The following IP6K1 variants were observed in gnomAD, a reference collection of about 807,000 sequenced individuals.
The protein encoded by IP6K1 is ATP:1D-myo-inositol-hexakisphosphate phosphotransferase.
In IP6K1, 13 loss-of-function variants were observed where a neutral mutation model predicts 38.3. The ratio of observed to expected loss-of-function variants is 0.34; its 90% CI spans 0.22 to 0.54. IP6K1 has a LOEUF of 0.54. Ranked by LOEUF, IP6K1 falls within the 20% of genes least tolerant of loss-of-function variation. The pLI is 0.92. For missense variants in IP6K1, 397 were observed against 599.8 expected (o/e 0.66, Z 3.53); for synonymous variants, 212 against 229.9 (o/e 0.92, Z 0.70).
chr3:49,732,515 A>T (rs777334944), intron 4 of IP6K1, among the ~76,000 whole-genome samples: 2 of 152,268 alleles, frequency 1.3e-5, no homozygotes, highest in Non-Finnish European at 2.9e-5. Flanking sequence ...CAGTGTGGCC[A>T]GTGGCTACCA....
chr3:49,736,686 G>A (rs1451626247), intron 3 of IP6K1, among the ~76,000 whole-genome samples: 4 of 151,412 alleles, frequency 2.6e-5, no homozygotes, highest in Admixed American at 2.6e-4. Context: ...GAACATTTTT[G>A]TACAAATTTT....
chr3:49,768,304 T>A (rs1244888164), intron 1 of IP6K1, among the ~76,000 whole-genome samples: 1 of 152,170 alleles, frequency 6.6e-6, no homozygotes, highest in Non-Finnish European at 1.5e-5. Flanking sequence ...CATCAACAGA[T>A]AAATGGATAA....
At chr3:49,734,989 G>A (rs945993429) in intron 3 of IP6K1, among the ~76,000 whole-genome samples, 3 of 138,214 alleles carry the variant, frequency 2.2e-5, no homozygotes, top group Non-Finnish European at 5.1e-5. Context: ...GTTATTCTAG[G>A]TGATGTTATT....
At chr3:49,756,610 G>C (rs937030129) in intron 1 of IP6K1, among the ~76,000 whole-genome samples, 1 of 152,078 alleles carries the variant, frequency 6.6e-6, no homozygotes, top group East Asian at 1.9e-4. Context: ...CTGAGGTCAG[G>C]AGTTCGAGAC....
intron 2 of IP6K1, among the ~76,000 whole-genome samples, chr3:49,746,917 A>G (rs980330462): frequency 6.6e-6 from 1 of 152,194 alleles, no homozygotes; most frequent in Non-Finnish European, 1.5e-5. Context: ...ATGGGGAGTT[A>G]TTATTTAATA....
At chr3:49,750,736 G>C (rs1319365317) in intron 1 of IP6K1, among the ~76,000 whole-genome samples, 1 of 151,936 alleles carries the variant, frequency 6.6e-6, no homozygotes, top group Non-Finnish European at 1.5e-5. Flanking sequence ...CCCTTCCCCT[G>C]ACTCTGAGAG....
chr3:49,751,848 A>C (rs988430422), intron 1 of IP6K1, among the ~76,000 whole-genome samples: 1 of 152,244 alleles, frequency 6.6e-6, no homozygotes, highest in African/African-American at 2.4e-5. Context: ...GAATTGCAAC[A>C]AATGGAAAGA....
rs567184171 is a variant in IP6K1, at chr3:49,782,691, G to C, written c.-129+3663C>G. Among the ~76,000 whole-genome samples, 45 of 150,250 alleles carry C rather than the reference G, an allele frequency of 3.0e-4. 1 individual carries two copies. Among genetic ancestry groups the C allele is most frequent in the Middle Eastern group, 6.8e-3 (2 of 292 alleles). ...CCAGGCATGGTGGCGCATGTGTGTA[G>C]TCCTAGCTACTTTGGAAGCTGAGGC... On this transcript the variant is annotated intron_variant, in intron 1 of 5. Transcript: ENST00000321599.
chr3:49,747,070 A>C (rs1285649198), intron 2 of IP6K1, among the ~76,000 whole-genome samples: 1 of 152,208 alleles, frequency 6.6e-6, no homozygotes, highest in African/African-American at 2.4e-5. Context: ...ATTTTTTTTA[A>C]AAAGTTAAGG....
chr3:49,729,895 AATT>A (rs947210501), intron 4 of IP6K1, among the ~76,000 whole-genome samples: 3 of 150,992 alleles, frequency 2.0e-5, no homozygotes, highest in Admixed American at 1.3e-4. Flanking sequence ...TTTTTCTTTT[AATT>A]ATTATTTTTT....
chr3:49,751,607 G>A (rs1161012441), intron 1 of IP6K1, among the ~76,000 whole-genome samples: 3 of 152,148 alleles, frequency 2.0e-5, no homozygotes, highest in African/African-American at 7.2e-5. Flanking sequence ...ATTGCTAATA[G>A]AGCCCCAATC....
chr3:49,778,017 C>CA (rs2081033298), intron 1 of IP6K1, among the ~76,000 whole-genome samples: 1 of 146,696 alleles, frequency 6.8e-6, no homozygotes, highest in South Asian at 2.2e-4. Flanking sequence ...AGTGAAATGA[C>CA]TTTTTTTTTT....
At chr3:49,750,156 G>A (rs2080760531) in intron 1 of IP6K1, among the ~76,000 whole-genome samples, 1 of 152,168 alleles carries the variant, frequency 6.6e-6, no homozygotes, top group African/African-American at 2.4e-5. Flanking sequence ...GGATTGTGGA[G>A]GGCAGGTCAG....
intron 1 of IP6K1, among the ~76,000 whole-genome samples, chr3:49,772,505 C>G (rs910204001): frequency 3.3e-5 from 5 of 151,054 alleles, no homozygotes; most frequent in Non-Finnish European, 7.4e-5. Context: ...TGGTCTCAAG[C>G]AATCCTCCCA....
At chr3:49,753,912 C>A (rs2080799940) in intron 1 of IP6K1, among the ~76,000 whole-genome samples, 1 of 151,796 alleles carries the variant, frequency 6.6e-6, no homozygotes, top group African/African-American at 2.4e-5. Flanking sequence ...TTAAATGCAC[C>A]CAAATGAGAA....
At chr3:49,775,492 A>G in intron 1 of IP6K1, 1 of 704,318 alleles carries the variant, frequency 1.4e-6, no homozygotes, top group Non-Finnish European at 2.3e-6. Flanking sequence ...GGTGCCTATT[A>G]CTGTAAGGAG....
chr3:49,785,541 C>A (rs937994540), intron 1 of IP6K1: 7 of 152,130 alleles, frequency 4.6e-5, no homozygotes, highest in Non-Finnish European at 1.0e-4. Flanking sequence ...AGTTAATTTG[C>A]CAGTTCCATA....
rs17657345 is a variant in IP6K1 at position 49,727,467 on chromosome 3, A to T, written c.981T>A (p.Ser327=). Residue 327 remains serine, a synonymous_variant, in exon 6 of 6, where the codon TCT becomes TCA. Transcript: ENST00000321599. The surrounding 1 kb of genome is among the most constrained non-coding windows in gnomAD (Gnocchi z 5.9). The part of the protein sequence containing the change: ...GLKAVLERQA[S]YRFYSSSLLV... ...GCAGGGAACTGGAGTAGAAGCGGTAAGAGGCCTGCCGCTCCAGCACAGCTT... is the reference window on the plus strand; with the variant it reads ...GCAGGGAACTGGAGTAGAAGCGGTATGAGGCCTGCCGCTCCAGCACAGCTT... 1.9e-6 allele frequency: 3 copies of T among 1,614,156 alleles called. No homozygotes were observed. The South Asian group carries it at 3.3e-5, about 18-fold the overall frequency.
intron 1 of IP6K1, among the ~76,000 whole-genome samples, chr3:49,765,860 C>G (rs1401539880): frequency 6.6e-6 from 1 of 151,218 alleles, no homozygotes; most frequent in Non-Finnish European, 1.5e-5. Context: ...CTGGGCAACA[C>G]AGCGAAACCC....
Sources: allele counts gnomAD v4.1 joint callset (sites outside exome capture counted in the v4.1 genomes callset), GRCh38; gene constraint gnomAD v4.1.1; non-coding constraint Gnocchi (gnomAD v3.1); transcripts MANE v1.5; gene names NCBI Gene and HGNC (gene_info 2026-07-23, HGNC 2026-07-21).